ESRRG: variants seen among roughly 807,000 people sequenced by gnomAD.
ESRRG encodes estrogen related receptor gamma.
Under a neutral mutation model 44.0 loss-of-function variants are expected in ESRRG, and 13 were observed. The ratio of observed to expected loss-of-function variants is 0.30; its 90% CI spans 0.19 to 0.47. The LOEUF (loss-of-function observed/expected upper bound fraction) is 0.47. Ranked by LOEUF, ESRRG falls within the 20% of genes least tolerant of loss-of-function variation. The pLI, the probability that ESRRG is intolerant of heterozygous loss-of-function variation, is 1.00. For missense variants in ESRRG, 395 were observed against 580.6 expected (o/e 0.68, Z 3.29); for synonymous variants, 215 against 214.6 (o/e 1.00, Z -0.02).
chr1:216,932,033 G>C (rs941917186), intron 2 of ESRRG, among the ~76,000 whole-genome samples: 2 of 151,950 alleles, frequency 1.3e-5, no homozygotes, highest in Non-Finnish European at 2.9e-5. Flanking sequence ...GTGAAACGTG[G>C]TCTCTACTAA....
intron 3 of ESRRG, among the ~76,000 whole-genome samples, chr1:216,629,300 C>T (rs1207721403): frequency 6.6e-6 from 1 of 152,072 alleles, no homozygotes; most frequent in Non-Finnish European, 1.5e-5. Flanking sequence ...TGGAAAATTT[C>T]AGGGTTGTTT....
At chr1:216,816,419 T>A (rs2095139139) in intron 2 of ESRRG, among the ~76,000 whole-genome samples, 1 of 152,208 alleles carries the variant, frequency 6.6e-6, no homozygotes, top group Admixed American at 6.5e-5. Flanking sequence ...CAATTTTTAT[T>A]TGTCAATTTA....
At chr1:216,604,742 CCCTAA>C (rs765600018) in intron 3 of ESRRG, among the ~76,000 whole-genome samples, 12 of 152,196 alleles carry the variant, frequency 7.9e-5, no homozygotes, top group Non-Finnish European at 1.3e-4. Context: ...AGCATTCACG[CCCTAA>C]CCACCCTGCA....
chr1:216,989,218 G>A (rs1309388492), intron 1 of ESRRG, among the ~76,000 whole-genome samples: 2 of 151,992 alleles, frequency 1.3e-5, no homozygotes, highest in Admixed American at 1.3e-4. Context: ...AGGCTGAGGC[G>A]GGTGGATTGT....
chr1:216,516,636 TACAC>T (rs779496209), intron 6 of ESRRG, among the ~76,000 whole-genome samples: 40 of 130,440 alleles, frequency 3.1e-4, no homozygotes, highest in African/African-American at 8.0e-4. Context: ...CACACACACA[TACAC>T]ACACACACAC....
intron 1 of ESRRG, among the ~76,000 whole-genome samples, chr1:216,687,279 G>A (rs192836725): frequency 2.5e-4 from 38 of 152,182 alleles, no homozygotes; most frequent in African/African-American, 7.9e-4. Flanking sequence ...TTTTTGGTGG[G>A]AGGCGTTGGC....
intron 3 of ESRRG, among the ~76,000 whole-genome samples, chr1:216,612,187 A>G (rs2060769389): frequency 1.3e-5 from 2 of 152,168 alleles, no homozygotes; most frequent in South Asian, 4.1e-4. Flanking sequence ...ACAGAAAGAG[A>G]TGGATTCAAA....
intron 2 of ESRRG, among the ~76,000 whole-genome samples, chr1:216,672,255 C>G (rs1440938071): frequency 6.6e-6 from 1 of 152,178 alleles, no homozygotes; most frequent in African/African-American, 2.4e-5. Context: ...GTATTTTGGT[C>G]AGCCAAAAAC....
At chr1:216,736,309 G>A (rs2089903194) in intron 2 of ESRRG, among the ~76,000 whole-genome samples, 1 of 148,370 alleles carries the variant, frequency 6.7e-6, no homozygotes, top group Admixed American at 6.8e-5. Flanking sequence ...CAGCCTCTCC[G>A]AGTAGCTGGG....
At chr1:216,576,465 G>A (rs2061694170) in intron 3 of ESRRG, among the ~76,000 whole-genome samples, 1 of 151,856 alleles carries the variant, frequency 6.6e-6, no homozygotes, top group Admixed American at 6.6e-5. Flanking sequence ...TTGGTCTCCT[G>A]ATAGCTATCT....
At chr1:216,781,280 T>C (rs1321695402) in intron 2 of ESRRG, among the ~76,000 whole-genome samples, 1 of 141,930 alleles carries the variant, frequency 7.0e-6, no homozygotes, top group Non-Finnish European at 1.6e-5. Flanking sequence ...ACAACCAAAA[T>C]AAAAAAAAAA....
intron 2 of ESRRG, among the ~76,000 whole-genome samples, chr1:216,827,271 T>A (rs1344874): frequency 1.3e-5 from 2 of 151,964 alleles, no homozygotes; most frequent in African/African-American, 4.8e-5. Context: ...GAAAAAGAAG[T>A]CTGTAAAATG....
upstream of ESRRG, among the ~76,000 whole-genome samples, chr1:216,724,874 G>C (rs1029310907): frequency 6.6e-6 from 1 of 152,098 alleles, no homozygotes; most frequent in African/African-American, 2.4e-5. Context: ...GCTACCTTAT[G>C]GAGAGTGAAA....
chr1:216,827,893 A>G (rs1017986246), intron 2 of ESRRG, among the ~76,000 whole-genome samples: 9 of 152,346 alleles, frequency 5.9e-5, no homozygotes, highest in African/African-American at 2.2e-4. Context: ...TGTATAAGGT[A>G]GCATTTGAAT....
intron 2 of ESRRG, among the ~76,000 whole-genome samples, chr1:216,784,085 A>G (rs1167692662): frequency 6.6e-6 from 1 of 152,076 alleles, no homozygotes; most frequent in Non-Finnish European, 1.5e-5. Context: ...AAACAAGGCC[A>G]TTAAAAACAG....
At chr1:216,649,007 T>C (rs1214812117) in intron 3 of ESRRG, among the ~76,000 whole-genome samples, 2 of 152,268 alleles carry the variant, frequency 1.3e-5, no homozygotes, top group African/African-American at 2.4e-5. Context: ...TACTCTGCTA[T>C]AGGGGTTAAG....
chr1:216,703,343 G>A (rs1471190656), intron 1 of ESRRG, among the ~76,000 whole-genome samples: 1 of 152,080 alleles, frequency 6.6e-6, no homozygotes, highest in Non-Finnish European at 1.5e-5. Flanking sequence ...AATGTTTTAA[G>A]AAAGTTTACT....
At chr1:217,021,596 C>G (rs1462355982) in intron 1 of ESRRG, among the ~76,000 whole-genome samples, 1 of 152,198 alleles carries the variant, frequency 6.6e-6, no homozygotes, top group Non-Finnish European at 1.5e-5. Context: ...ATCCACCTCT[C>G]CATGACTCCA....
At chr1:216,702,617 A>AAT (rs1475532216) in intron 1 of ESRRG, among the ~76,000 whole-genome samples, 4 of 150,460 alleles carry the variant, frequency 2.7e-5, no homozygotes, top group Non-Finnish European at 1.5e-5. Flanking sequence ...ACAAAAAAAA[A>AAT]AAAAAGAAAA....
Sources: gnomAD v4.1 joint callset for allele counts (sites outside exome capture counted in the v4.1 genomes callset) on GRCh38, gnomAD v4.1.1 for gene constraint, MANE v1.5 for transcripts, NCBI Gene and HGNC (gene_info 2026-07-23, HGNC 2026-07-21) for gene names.